TCF4: variants seen among roughly 807,000 people sequenced by gnomAD.
TCF4 encodes SL3-3 enhancer factor 2.
In TCF4, 3 loss-of-function variants were observed where a neutral mutation model predicts 82.1. The observed-to-expected ratio is 0.04, with a 90% CI of 0.02 to 0.09. TCF4 has a LOEUF of 0.09. TCF4 is among the 10% of genes least tolerant of loss of function. The pLI, the probability that TCF4 is intolerant of heterozygous loss-of-function variation, is 1.00. For missense variants in TCF4, 518 were observed against 852.7 expected (o/e 0.61, Z 4.89); for synonymous variants, 276 against 309.6 (o/e 0.89, Z 1.14).
At chr18:55,632,614 G>A (rs1488183529) in intron 1 of TCF4, among the ~76,000 whole-genome samples, 1 of 152,194 alleles carries the variant, frequency 6.6e-6, no homozygotes, top group Non-Finnish European at 1.5e-5. Context: ...AAAGAATGAT[G>A]CTCTTACAGA....
At chr18:55,547,544 A>G (rs1189481687) in intron 3 of TCF4, among the ~76,000 whole-genome samples, 1 of 152,240 alleles carries the variant, frequency 6.6e-6, no homozygotes, top group Non-Finnish European at 1.5e-5. Flanking sequence ...TGAAGAGTGT[A>G]AGGATCAAGA....
intron 15 of TCF4, among the ~76,000 whole-genome samples, chr18:55,248,608 T>C (rs1200230174): frequency 6.6e-6 from 1 of 152,226 alleles, no homozygotes; most frequent in Non-Finnish European, 1.5e-5. Context: ...TTTCATTAGT[T>C]AAGTCAGAGT....
chr18:55,516,842 C>G (rs1341320510), intron 3 of TCF4, among the ~76,000 whole-genome samples: 1 of 152,000 alleles, frequency 6.6e-6, no homozygotes, highest in African/African-American at 2.4e-5. Context: ...ACCAGGGAAG[C>G]CACATACCAT....
chr18:55,322,829 C>T (rs1430664047), intron 8 of TCF4, among the ~76,000 whole-genome samples: 4 of 152,222 alleles, frequency 2.6e-5, no homozygotes, highest in African/African-American at 7.2e-5. Flanking sequence ...ACCTTCGAAC[C>T]GACGAATATC....
intron 15 of TCF4, among the ~76,000 whole-genome samples, chr18:55,246,883 T>C (rs1004700962): frequency 3.3e-5 from 5 of 152,202 alleles, no homozygotes; most frequent in African/African-American, 1.2e-4. Context: ...AGATAGTAGC[T>C]ATTGAAAGAT....
Position 55,312,886 on chromosome 18 carries a change from T to C in TCF4, c.550-33230A>G, listed in dbSNP as rs893427126. Among the ~76,000 whole-genome samples the C allele has an allele frequency of 6.6e-5, 10 of 152,244 alleles. No individual in the cohort carries two copies. The South Asian group carries it at 1.7e-3, about 25-fold the overall frequency. On this transcript the variant is annotated intron_variant, in intron 8 of 19. Coordinates refer to ENST00000354452, the MANE Select transcript of TCF4 (RefSeq NM_001083962.2). ...CACAGGTCTTTTTCTCAGGTGTTAA[T>C]AGAAAAATCAATTTTAAGTCACAAC...
intron 6 of TCF4, among the ~76,000 whole-genome samples, chr18:55,363,667 G>A (rs1240169995): frequency 7.9e-5 from 12 of 152,062 alleles, no homozygotes; most frequent in Non-Finnish European, 2.9e-5. Flanking sequence ...TTAACCAGGC[G>A]TGGTAGTGCA....
chr18:55,585,806 G>T, intron 2 of TCF4: 1 of 1,109,268 alleles, frequency 9.0e-7, no homozygotes, highest in Non-Finnish European at 1.1e-6. Flanking sequence ...AAATAAAAGT[G>T]CCACCTGCAC....
At chr18:55,511,330 T>TAAAAAAAAAAA (rs751932079) in intron 3 of TCF4, among the ~76,000 whole-genome samples, 3 of 73,070 alleles carry the variant, frequency 4.1e-5, no homozygotes, top group African/African-American at 7.2e-5. Flanking sequence ...TTCCAAAAGT[T>TAAAAAAAAAAA]TAAAAAAAAA....
At chr18:55,581,920 A>G (rs2036732159) in intron 3 of TCF4, among the ~76,000 whole-genome samples, 2 of 152,146 alleles carry the variant, frequency 1.3e-5, no homozygotes, top group Non-Finnish European at 2.9e-5. Flanking sequence ...CACAGGGGAA[A>G]AAGCTCAACT....
chr18:55,285,162 T>G (rs2063418650), intron 8 of TCF4, among the ~76,000 whole-genome samples: 1 of 152,192 alleles, frequency 6.6e-6, no homozygotes, highest in African/African-American at 2.4e-5. Context: ...GGAGAAGATG[T>G]ACTCAGAAGA....
At chr18:55,477,745 C>T (rs961081568) in intron 3 of TCF4, among the ~76,000 whole-genome samples, 31 of 152,162 alleles carry the variant, frequency 2.0e-4, no homozygotes, top group Admixed American at 7.2e-4. Context: ...ATGTTCACTA[C>T]TGAAGTAGTG....
chr18:55,585,673 A>T, intron 2 of TCF4: 1 of 840,902 alleles, frequency 1.2e-6, no homozygotes, highest in Non-Finnish European at 1.5e-6. Context: ...CTAGAAAAAC[A>T]CTAGTTTCAC....
intron 3 of TCF4, among the ~76,000 whole-genome samples, chr18:55,521,681 A>G (rs192607875): frequency 4.9e-4 from 74 of 152,322 alleles, no homozygotes; most frequent in African/African-American, 1.8e-3. Context: ...TAACCCTTTT[A>G]CCTTTGATAG....
intron 11 of TCF4, chr18:55,268,441 C>T (rs1046031757): frequency 7.2e-5 from 11 of 152,224 alleles, no homozygotes; most frequent in South Asian, 2.1e-4. Flanking sequence ...AGCTAACAAA[C>T]TTCCCCATGT....
intron 2 of TCF4, among the ~76,000 whole-genome samples, chr18:55,602,992 TC>T (rs2097698737): frequency 6.6e-6 from 1 of 152,140 alleles, no homozygotes; most frequent in Admixed American, 6.5e-5. Context: ...AGGTGATGCT[TC>T]CCCATTCAAT....
rs758812309 is a variant in TCF4, at chr18:55,275,689, C to A, written c.719G>T (p.Gly240Val). 6.2e-7 allele frequency: 1 copy of A among 1,613,906 alleles called. No homozygotes were observed. Among genetic ancestry groups the A allele is most frequent in the Non-Finnish European group, 8.5e-7 (1 of 1,179,826 alleles). The part of the protein sequence containing the change: ...SSGMNQPGYA[G>V]MLGNSSHIPQ... ...AATATGAGAAGAGTTGCCCAACATT[C>A]CTGCATAGCCAGGCTGATTCATCCC... Residue 240 changes from glycine (G) to valine (V), a missense_variant, in exon 10 of 20, where the codon GGA becomes GTA. Around this residue, in one of 7 missense-constraint regions of TCF4, gnomAD observed 211 missense variants for 327.4 expected, o/e 0.64. Transcript: ENST00000354452.
Position 55,403,762 on chromosome 18 carries a change from A to G in TCF4, c.305-244T>C, listed in dbSNP as rs2093952884. On this transcript the variant is annotated intron_variant, in intron 5 of 19. Coordinates refer to ENST00000354452, the MANE Select transcript of TCF4 (RefSeq NM_001083962.2). ...CCACACTTCCAAAAACTGTCATTCC[A>G]ATGGCCTCCACTTTCTCTAACAAAC... 2.0e-6 allele frequency: 3 copies of G among 1,533,928 alleles called. No homozygotes were observed. In the South Asian group the frequency reaches 3.6e-5, roughly 18 times the overall value.
intron 2 of TCF4, 48 bp from the exon 3 acceptor site, chr18:55,585,400 C>T (rs892458044): frequency 1.3e-6 from 2 of 1,514,006 alleles, no homozygotes; most frequent in South Asian, 1.1e-5. Flanking sequence ...ACACTTGTGC[C>T]TTCAGAGCTC....
Sources: allele counts gnomAD v4.1 joint callset (sites outside exome capture counted in the v4.1 genomes callset), GRCh38; gene constraint gnomAD v4.1.1; regional missense constraint gnomAD v4.1.1; transcripts MANE v1.5; gene names NCBI Gene and HGNC (gene_info 2026-07-23, HGNC 2026-07-21).